The following EML6 variants were observed in gnomAD, a reference collection of about 807,000 sequenced individuals.
The protein encoded by EML6 is EMAP like 6.
In EML6, 154 loss-of-function variants were observed where a neutral mutation model predicts 240.1. The observed-to-expected ratio is 0.64, with a 90% CI of 0.56 to 0.73. The LOEUF (loss-of-function observed/expected upper bound fraction) is 0.73. Among genes scored for constraint, EML6 ranks in the 30% least tolerant of loss-of-function variants. EML6 has a pLI of 0.00. For synonymous variants in EML6, 1,148 were observed against 899.0 expected, an observed-to-expected ratio of 1.28 and a Z score of -4.95; for missense variants, 2,964 against 2,474.6, an observed-to-expected ratio of 1.20 and a Z score of -4.20.
intron 7 of EML6, among the ~76,000 whole-genome samples, chr2:54,837,463 C>T (rs1244376779): frequency 2.0e-5 from 3 of 152,200 alleles, no homozygotes; most frequent in Non-Finnish European, 1.5e-5. Context: ...CTCACGGGCA[C>T]TCACGGGCAC....
rs190006465 is a variant in EML6 at position 54,902,485 on chromosome 2, C to T, written c.3125-559C>T. Among the ~76,000 whole-genome samples the T allele has an allele frequency of 3.9e-3, 593 of 152,314 alleles. 4 individuals carry two copies. The highest frequency in any genetic ancestry group is 5.6e-3 in the Non-Finnish European group (384 of 68,032). ...CATGATCACTGCTCACTGCACCCTC[C>T]ACCTCCAAAGCTCAAGTGATCCTTC... On this transcript the variant is annotated intron_variant, in intron 22 of 41. Transcript: ENST00000356458.
At chr2:54,896,626 A>G (rs911324770) in intron 21 of EML6, among the ~76,000 whole-genome samples, 1 of 152,110 alleles carries the variant, frequency 6.6e-6, no homozygotes, top group Non-Finnish European at 1.5e-5. Flanking sequence ...AAGAAAATGC[A>G]CTGATCATAT....
chr2:54,756,729 A>G lies in EML6; in HGVS notation c.197+31471A>G, dbSNP rs574836272. On this transcript the variant is annotated intron_variant, in intron 2 of 41. Coordinates refer to ENST00000356458, the MANE Select transcript of EML6 (RefSeq NM_001039753.4). Reference sequence around the variant, plus strand: ...TATTTTTGTTGTGGTTTTCTCTGATACTCTGGGTCATTATTCCTGGCATAC... The same window carrying G: ...TATTTTTGTTGTGGTTTTCTCTGATGCTCTGGGTCATTATTCCTGGCATAC... 8.6e-5 allele frequency among the ~76,000 whole-genome samples: 13 copies of G among 151,664 alleles called. No homozygotes were observed. The South Asian group carries it at 2.7e-3, about 32-fold the overall frequency.
chr2:54,729,017 C>T (rs953118027), intron 2 of EML6, among the ~76,000 whole-genome samples: 3 of 152,198 alleles, frequency 2.0e-5, no homozygotes, highest in African/African-American at 7.2e-5. Flanking sequence ...TGCTGTCAGT[C>T]ATACTTGAGT....
chr2:54,882,174 T>C (rs1240261002), intron 17 of EML6: 1 of 152,208 alleles, frequency 6.6e-6, no homozygotes, highest in Non-Finnish European at 1.5e-5. Flanking sequence ...AAGATCTCTG[T>C]GAGACGATCC....
rs772440819 is a variant in EML6, at chr2:54,964,132, C to A, written c.5304C>A (p.Asp1768Glu). 5 of 1,551,538 alleles carry A rather than the reference C, an allele frequency of 3.2e-6. No individual in the cohort carries two copies. The African/African-American group carries it at 4.1e-5, about 13-fold the overall frequency. The change falls in exon 37 of 42, where the codon GAC (aspartate) becomes GAA (glutamate). Residue 1768 changes from aspartate to glutamate, a missense_variant. Physicochemically the swap from Asp to Glu is conservative, Grantham distance 45. Transcript: ENST00000356458. Reference sequence around the variant, plus strand: ...TGAAAGTTTGGGGGAAAAAACGAGACCGGAAATCTGCTATCCAAGATATCA... The same window carrying A: ...TGAAAGTTTGGGGGAAAAAACGAGAACGGAAATCTGCTATCCAAGATATCA... ...NSLKVWGKKR[D>E]RKSAIQDIRI...
rs960552848 is a variant in EML6, at chr2:54,859,464, A to AG, written c.1658-64dup. 214 of 1,190,888 alleles carry AG rather than the reference A, an allele frequency of 1.8e-4. No individual in the cohort carries two copies. The African/African-American group carries it at 3.1e-3, about 17-fold the overall frequency. 73.8% of individuals were successfully genotyped at this position (1,190,888 alleles called of 1,614,324 possible). On this transcript the variant is annotated intron_variant, in intron 11 of 41. Transcript: ENST00000356458. Reference sequence around the variant, plus strand: ...GATTTTACTCTTCAACATGAACAGAAGGGGGGTTGTTTTAAACTAATGAAC... The same window carrying AG: ...GATTTTACTCTTCAACATGAACAGAAGGGGGGGTTGTTTTAAACTAATGAAC...
intron 6 of EML6, among the ~76,000 whole-genome samples, chr2:54,828,297 C>T (rs1668696388): frequency 1.3e-5 from 2 of 152,190 alleles, no homozygotes; most frequent in South Asian, 4.1e-4. Flanking sequence ...AACTACATAT[C>T]TTCTGATGGT....
chr2:54,892,632 G>T lies in EML6; in HGVS notation c.2718G>T (p.Val906=). 1 of 1,551,648 alleles carries T rather than the reference G, an allele frequency of 6.4e-7. No homozygotes were observed. Among genetic ancestry groups the T allele is most frequent in the South Asian group, 1.2e-5 (1 of 84,058 alleles). ...CAGTGAAAGCTCATGATGGGCCTGTGTTTGCTATGTATGCACTGGATAAGG... is the reference window on the plus strand; with the variant it reads ...CAGTGAAAGCTCATGATGGGCCTGTTTTTGCTATGTATGCACTGGATAAGG... The part of the protein sequence containing the change: ...LKTVKAHDGP[V]FAMYALDKGF... The change falls in exon 19 of 42, where the codon GTG becomes GTT. Residue 906 remains valine, a synonymous_variant. Transcript: ENST00000356458.
chr2:54,871,065 G>A (rs562709431), intron 15 of EML6, among the ~76,000 whole-genome samples: 1 of 152,192 alleles, frequency 6.6e-6, no homozygotes, highest in Non-Finnish European at 1.5e-5. Flanking sequence ...GGGAGAAGCG[G>A]GGCCAGGCCT....
At chr2:54,753,733 A>T (rs1684277229) in intron 2 of EML6, among the ~76,000 whole-genome samples, 1 of 149,476 alleles carries the variant, frequency 6.7e-6, no homozygotes, top group South Asian at 2.1e-4. Context: ...TGGTACAGTC[A>T]TAGCTCACTG....
intron 2 of EML6, among the ~76,000 whole-genome samples, chr2:54,783,042 G>C (rs1004591679): frequency 1.3e-5 from 2 of 152,186 alleles, no homozygotes; most frequent in African/African-American, 4.8e-5. Flanking sequence ...CTCTGTCCTT[G>C]TGGAATATTC....
intron 18 of EML6, among the ~76,000 whole-genome samples, chr2:54,891,784 G>A (rs754388816): frequency 3.6e-4 from 55 of 152,246 alleles, no homozygotes; most frequent in Admixed American, 1.8e-3. Flanking sequence ...TTAAAAGAAG[G>A]TAATGCCACC....
intron 2 of EML6, among the ~76,000 whole-genome samples, chr2:54,790,006 T>C (rs893553275): frequency 5.3e-5 from 8 of 152,220 alleles, no homozygotes; most frequent in African/African-American, 1.9e-4. Flanking sequence ...ATATGTGTTG[T>C]ATTTTTAAAT....
At chr2:54,942,189 A>C (rs1356574961) in intron 28 of EML6, among the ~76,000 whole-genome samples, 2 of 151,418 alleles carry the variant, frequency 1.3e-5, no homozygotes, top group African/African-American at 4.9e-5. Flanking sequence ...TTTTGATGAC[A>C]AAGAGTGGCC....
intron 3 of EML6, 87 bp downstream of exon 3, chr2:54,813,478 C>A: frequency 8.8e-7 from 1 of 1,142,646 alleles, no homozygotes; most frequent in Non-Finnish European, 1.3e-6. Context: ...GATTCAAAGT[C>A]CATCAACCCT....
At chr2:54,741,050 C>T (rs1683606846) in intron 2 of EML6, among the ~76,000 whole-genome samples, 1 of 152,102 alleles carries the variant, frequency 6.6e-6, no homozygotes, top group South Asian at 2.1e-4. Flanking sequence ...CAAACGTGTT[C>T]AGTGCTTACT....
chr2:54,724,032 G>C lies in EML6; in HGVS notation c.-514+255G>C, dbSNP rs1682797657. On this transcript the variant is annotated intron_variant, in intron 1 of 41. Transcript: ENST00000356458. The surrounding 1 kb of genome is among the most constrained non-coding windows in gnomAD (Gnocchi z 5.2). Reference sequence around the variant, plus strand: ...TCCGTGGGACCCGGTGTTTAGCGCAGAGGTTTCTGGGGAGAAGTACACGAT... The same window carrying C: ...TCCGTGGGACCCGGTGTTTAGCGCACAGGTTTCTGGGGAGAAGTACACGAT... Among the ~76,000 whole-genome samples, 1 of 152,228 alleles carries C rather than the reference G, an allele frequency of 6.6e-6. No individual in the cohort carries two copies. The highest frequency in any genetic ancestry group is 1.5e-5 in the Non-Finnish European group (1 of 68,032).
chr2:54,940,650 A>C (rs140569748), intron 28 of EML6, among the ~76,000 whole-genome samples: 171 of 152,366 alleles, frequency 1.1e-3, no homozygotes, highest in Non-Finnish European at 1.4e-3. Flanking sequence ...TCTGTCTTCA[A>C]GATGCTGTGC....
Sources: allele counts gnomAD v4.1 joint callset (sites outside exome capture counted in the v4.1 genomes callset), GRCh38; gene constraint gnomAD v4.1.1; non-coding constraint Gnocchi (gnomAD v3.1); transcripts MANE v1.5; gene names NCBI Gene and HGNC (gene_info 2026-07-23, HGNC 2026-07-21).